Variants in WWOX observed in about 807,000 individuals in gnomAD.
The protein encoded by WWOX is WW domain containing oxidoreductase, also known as WW domain-containing oxidoreductase.
A neutral mutation model predicts 46.2 loss-of-function variants in WWOX; 69 were observed. The observed-to-expected ratio is 1.49, with a 90% CI of 1.23 to 1.82. The LOEUF (loss-of-function observed/expected upper bound fraction) is 1.82, where lower values mean the gene tolerates loss of function less well. Ranked by LOEUF, WWOX falls within the 40% of genes most tolerant of loss-of-function variation. The probability of loss-of-function intolerance (pLI) is 0.00; values close to 1 mark genes in which losing one functional copy is unlikely to be tolerated. For missense variants in WWOX, 919 were observed against 542.6 expected, an observed-to-expected ratio of 1.69 and a Z score of -6.89; for synonymous variants, 359 against 202.6, an observed-to-expected ratio of 1.77 and a Z score of -6.56.
chr16:78,476,026 T>C (rs184259145), intron 8 of WWOX, among the ~76,000 whole-genome samples: 86 of 152,316 alleles, frequency 5.6e-4, no homozygotes, highest in African/African-American at 1.8e-3. Context: ...TCCTTACTCA[T>C]GCTTCCTCTG....
chr16:79,144,990 G>A (rs1462919758), intron 8 of WWOX, among the ~76,000 whole-genome samples: 2 of 152,110 alleles, frequency 1.3e-5, no homozygotes, highest in African/African-American at 4.8e-5. Flanking sequence ...CATCTACTGG[G>A]GGTCTTGGAG....
At chr16:78,989,015 G>A (rs762508809) in intron 8 of WWOX, among the ~76,000 whole-genome samples, 16 of 152,184 alleles carry the variant, frequency 1.1e-4, no homozygotes, top group Non-Finnish European at 2.2e-4. Context: ...GTTAAAACAA[G>A]GAGGAAGTAA....
chr16:78,895,907 G>A (rs1298518697), intron 8 of WWOX: 1 of 152,160 alleles, frequency 6.6e-6, no homozygotes, highest in East Asian at 1.9e-4. Flanking sequence ...TATTACTCCT[G>A]TCTTCTCTTT....
At chr16:78,627,260 G>C (rs2046331847) in intron 8 of WWOX, among the ~76,000 whole-genome samples, 1 of 152,126 alleles carries the variant, frequency 6.6e-6, no homozygotes, top group Non-Finnish European at 1.5e-5. Flanking sequence ...CTCCCCAGGG[G>C]ATAGCCCTCC....
intron 8 of WWOX, among the ~76,000 whole-genome samples, chr16:79,043,988 ACT>A (rs1362173963): frequency 3.3e-5 from 5 of 151,270 alleles, no homozygotes; most frequent in Non-Finnish European, 5.9e-5. Flanking sequence ...GGACAATGAA[ACT>A]CTCATTGATT....
intron 8 of WWOX, among the ~76,000 whole-genome samples, chr16:78,881,241 C>G (rs987004866): frequency 6.6e-6 from 1 of 151,962 alleles, no homozygotes; most frequent in Non-Finnish European, 1.5e-5. Context: ...TGGGCTCAAG[C>G]GATTCACGTG....
intron 8 of WWOX, among the ~76,000 whole-genome samples, chr16:79,077,208 C>T (rs368144784): frequency 6.6e-6 from 1 of 152,240 alleles, no homozygotes; most frequent in East Asian, 1.9e-4. Context: ...GAGCTTAAAA[C>T]CCATTAGTTT....
intron 4 of WWOX, among the ~76,000 whole-genome samples, chr16:78,156,154 C>T (rs2034589411): frequency 6.6e-6 from 1 of 152,204 alleles, no homozygotes; most frequent in Non-Finnish European, 1.5e-5. Flanking sequence ...TTACCCGTAA[C>T]TACAGTCAGG....
At chr16:78,629,971 T>G (rs2046390149) in intron 8 of WWOX, among the ~76,000 whole-genome samples, 1 of 152,174 alleles carries the variant, frequency 6.6e-6, no homozygotes, top group Non-Finnish European at 1.5e-5. Context: ...TTCCAGCAAC[T>G]GTATTTGTCC....
chr16:78,174,397 G>C (rs757100966), intron 5 of WWOX, among the ~76,000 whole-genome samples: 1 of 152,068 alleles, frequency 6.6e-6, no homozygotes, highest in Non-Finnish European at 1.5e-5. Context: ...CTCCCCCCGG[G>C]TCCCTCCCAC....
chr16:78,183,605 A>G (rs1295423693), intron 5 of WWOX, among the ~76,000 whole-genome samples: 1 of 152,188 alleles, frequency 6.6e-6, no homozygotes. Flanking sequence ...TCAGGATTAA[A>G]TGAGATAACA....
At chr16:78,642,615 G>A (rs1162822553) in intron 8 of WWOX, among the ~76,000 whole-genome samples, 1 of 152,018 alleles carries the variant, frequency 6.6e-6, no homozygotes, top group African/African-American at 2.4e-5. Context: ...TTTTTGTCGT[G>A]GGCTACTGCC....
chr16:79,195,425 G>T (rs1162885970), intron 8 of WWOX, among the ~76,000 whole-genome samples: 1 of 152,198 alleles, frequency 6.6e-6, no homozygotes, highest in African/African-American at 2.4e-5. Flanking sequence ...TGGAGTGCGT[G>T]TTGCTTTGGT....
intron 8 of WWOX, among the ~76,000 whole-genome samples, chr16:78,782,825 A>T (rs962217418): frequency 6.6e-6 from 1 of 152,180 alleles, no homozygotes. Context: ...CTGTTATTTT[A>T]TGTTTCACTA....
chr16:78,548,359 T>A (rs1210884215), intron 8 of WWOX, among the ~76,000 whole-genome samples: 1 of 151,694 alleles, frequency 6.6e-6, no homozygotes. Context: ...AAAATCCAGA[T>A]TGCTTAGAAA....
chr16:78,746,419 G>A (rs57123738), intron 8 of WWOX, among the ~76,000 whole-genome samples: 1 of 152,096 alleles, frequency 6.6e-6, no homozygotes, highest in African/African-American at 2.4e-5. Context: ...GATCAACTGA[G>A]CCCAGGAGTT....
At chr16:78,825,795 A>G in intron 8 of WWOX, 2 of 597,974 alleles carry the variant, frequency 3.3e-6, no homozygotes, top group East Asian at 3.1e-5. Context: ...GTTGTGTGCC[A>G]TGTGCTGCTC....
At chr16:78,907,010 T>C (rs541001963) in intron 8 of WWOX, among the ~76,000 whole-genome samples, 1 of 152,316 alleles carries the variant, frequency 6.6e-6, no homozygotes, top group South Asian at 2.1e-4. Flanking sequence ...AGCCGATTTA[T>C]CTAGACAGGG....
intron 8 of WWOX, among the ~76,000 whole-genome samples, chr16:79,050,331 G>A (rs2048143144): frequency 6.6e-6 from 1 of 152,154 alleles, no homozygotes; most frequent in Admixed American, 6.6e-5. Flanking sequence ...CACTTTAGCT[G>A]GGGTGGTTCT....
Sources: gnomAD v4.1 joint callset for allele counts (sites outside exome capture counted in the v4.1 genomes callset) on GRCh38, gnomAD v4.1.1 for gene constraint, MANE v1.5 for transcripts, NCBI Gene and HGNC (gene_info 2026-07-23, HGNC 2026-07-21) for gene names.